SNCAIP: variants seen among roughly 807,000 people sequenced by gnomAD.
SNCAIP encodes synuclein alpha interacting protein, also known as synphilin-1.
Under a neutral mutation model 86.7 loss-of-function variants are expected in SNCAIP, and 43 were observed. The ratio of observed to expected loss-of-function variants is 0.50; its 90% CI spans 0.39 to 0.64. SNCAIP has a LOEUF of 0.64. Among genes scored for constraint, SNCAIP ranks in the 30% least tolerant of loss-of-function variants. The probability of loss-of-function intolerance (pLI) is 0.00; values close to 1 mark genes in which losing one functional copy is unlikely to be tolerated. For missense variants in SNCAIP, 981 were observed against 1,103.1 expected, an observed-to-expected ratio of 0.89 and a Z score of 1.57; for synonymous variants, 417 against 427.2, an observed-to-expected ratio of 0.98 and a Z score of 0.29.
chr5:122,331,814 T>C (rs1401352253), intron 1 of SNCAIP, among the ~76,000 whole-genome samples: 1 of 152,252 alleles, frequency 6.6e-6, no homozygotes, highest in Non-Finnish European at 1.5e-5. Flanking sequence ...TAACATGTCA[T>C]GTTTATTTGT....
At chr5:122,409,375 C>A (rs918218832) in intron 3 of SNCAIP, among the ~76,000 whole-genome samples, 1 of 152,202 alleles carries the variant, frequency 6.6e-6, no homozygotes, top group African/African-American at 2.4e-5. Context: ...CTTTCAACAT[C>A]TGTATCTGCT....
At chr5:122,443,400 TTAA>T (rs1317899154) in intron 7 of SNCAIP, among the ~76,000 whole-genome samples, 1 of 152,228 alleles carries the variant, frequency 6.6e-6, no homozygotes, top group Non-Finnish European at 1.5e-5. Flanking sequence ...TTGGATTTTT[TTAA>T]ATTATTAATT....
chr5:122,349,880 A>G (rs1759414809), intron 1 of SNCAIP, among the ~76,000 whole-genome samples: 1 of 152,102 alleles, frequency 6.6e-6, no homozygotes. Flanking sequence ...TATCTCTATC[A>G]CAGTCTCTCC....
At chr5:122,367,576 G>A (rs748549988) in intron 1 of SNCAIP, among the ~76,000 whole-genome samples, 1 of 152,128 alleles carries the variant, frequency 6.6e-6, no homozygotes, top group East Asian at 1.9e-4. Context: ...TAGAGACTAA[G>A]AGGCTCAGGG....
intron 2 of SNCAIP, among the ~76,000 whole-genome samples, chr5:122,400,671 T>C (rs914104628): frequency 1.3e-5 from 2 of 152,138 alleles, no homozygotes; most frequent in East Asian, 1.9e-4. Context: ...CCTTGTGAAA[T>C]GGTGGCATTT....
chr5:122,348,312 G>A (rs1431534859), intron 1 of SNCAIP, among the ~76,000 whole-genome samples: 1 of 152,102 alleles, frequency 6.6e-6, no homozygotes, highest in African/African-American at 2.4e-5. Context: ...CTTTCACTGT[G>A]TGGAATTATG....
intron 10 of SNCAIP, among the ~76,000 whole-genome samples, chr5:122,459,871 C>T (rs1400134499): frequency 1.3e-5 from 2 of 152,172 alleles, no homozygotes; most frequent in African/African-American, 2.4e-5. Flanking sequence ...TCCCTAGCCT[C>T]ACTCTTTTGA....
At chr5:122,390,441 G>A (rs537330105) in intron 1 of SNCAIP, among the ~76,000 whole-genome samples, 1 of 152,296 alleles carries the variant, frequency 6.6e-6, no homozygotes, top group South Asian at 2.1e-4. Flanking sequence ...TCCGGGGCCT[G>A]CATCAGGTCA....
intron 1 of SNCAIP, among the ~76,000 whole-genome samples, chr5:122,332,491 G>C (rs1229110661): frequency 2.0e-5 from 3 of 152,220 alleles, no homozygotes; most frequent in Non-Finnish European, 2.9e-5. Context: ...GCGGGCATAA[G>C]ATTATACTTA....
intron 2 of SNCAIP, among the ~76,000 whole-genome samples, chr5:122,398,300 G>C (rs919050219): frequency 6.6e-6 from 1 of 152,052 alleles, no homozygotes; most frequent in Admixed American, 6.6e-5. Context: ...GATGAGAAAA[G>C]AGGAAACCTG....
chr5:122,322,766 A>G (rs1206462108), intron 1 of SNCAIP, among the ~76,000 whole-genome samples: 6 of 152,260 alleles, frequency 3.9e-5, no homozygotes, highest in African/African-American at 1.2e-4. Context: ...CATACATTCT[A>G]TAGCAGATAA....
intron 1 of SNCAIP, among the ~76,000 whole-genome samples, chr5:122,382,834 G>A (rs1580860337): frequency 1.3e-5 from 2 of 152,354 alleles, no homozygotes; most frequent in South Asian, 4.1e-4. Context: ...TGCTGGGGTT[G>A]CCTCCCAGTT....
chr5:122,329,853 A>C (rs190251407), intron 1 of SNCAIP, among the ~76,000 whole-genome samples: 1 of 152,202 alleles, frequency 6.6e-6, no homozygotes, highest in African/African-American at 2.4e-5. Flanking sequence ...TGGAACTTCA[A>C]GTGGAGCCAT....
chr5:122,454,749 G>C (rs144097096), intron 10 of SNCAIP, among the ~76,000 whole-genome samples: 14 of 152,264 alleles, frequency 9.2e-5, no homozygotes, highest in African/African-American at 3.1e-4. Context: ...TCCTTGGGAA[G>C]GGGAAGAATA....
intron 2 of SNCAIP, among the ~76,000 whole-genome samples, chr5:122,401,308 G>A (rs541552771): frequency 2.6e-5 from 4 of 152,298 alleles, no homozygotes; most frequent in African/African-American, 4.8e-5. Flanking sequence ...TTAGATGTTG[G>A]TTTTGTGAGT....
At chr5:122,434,315 A>G (rs1778965603) in intron 6 of SNCAIP, among the ~76,000 whole-genome samples, 1 of 152,118 alleles carries the variant, frequency 6.6e-6, no homozygotes, top group Non-Finnish European at 1.5e-5. Flanking sequence ...CTGTTCTGAG[A>G]CTCTAAGTAA....
chr5:122,371,865 A>G (rs1014641448), intron 1 of SNCAIP: 1 of 152,230 alleles, frequency 6.6e-6, no homozygotes, highest in Non-Finnish European at 1.5e-5. Flanking sequence ...AGTTGGTGTT[A>G]AATAAATAAT....
intron 1 of SNCAIP, among the ~76,000 whole-genome samples, chr5:122,356,059 G>A (rs1055198928): frequency 6.7e-6 from 1 of 148,194 alleles, no homozygotes; most frequent in African/African-American, 2.5e-5. Context: ...CTGAGGTGAG[G>A]TTGACAATAA....
Position 122,463,497 on chromosome 5 carries a change from T to G in SNCAIP, c.*1T>G. 1 of 1,597,810 alleles carries G rather than the reference T, an allele frequency of 6.3e-7. No individual in the cohort carries two copies. Among genetic ancestry groups the G allele is most frequent in the Non-Finnish European group, 8.6e-7 (1 of 1,166,140 alleles). On this transcript the variant is annotated 3_prime_UTR_variant, in exon 11 of 11. Coordinates refer to ENST00000261368, the MANE Select transcript of SNCAIP (RefSeq NM_005460.4). Reference sequence around the variant, plus strand: ...TGGTTTCTCTTCTGCTTAGGCATAATGACATCAATAGAAAAATGAAGAAAT... The same window carrying G: ...TGGTTTCTCTTCTGCTTAGGCATAAGGACATCAATAGAAAAATGAAGAAAT...
Sources: allele counts gnomAD v4.1 joint callset (sites outside exome capture counted in the v4.1 genomes callset), GRCh38; gene constraint gnomAD v4.1.1; transcripts MANE v1.5; gene names NCBI Gene and HGNC (gene_info 2026-07-23, HGNC 2026-07-21).